The following LRRIQ3 variants were observed in gnomAD, a reference collection of about 807,000 sequenced individuals.
The protein encoded by LRRIQ3 is leucine rich repeats and IQ motif containing 3, also known as leucine-rich repeat and IQ domain-containing protein 3.
LRRIQ3 carries 75 observed loss-of-function variants against 59.3 expected under a neutral mutation model. The ratio of observed to expected loss-of-function variants is 1.26; its 90% CI spans 1.05 to 1.53. The LOEUF is 1.53. LRRIQ3 is among the 40% of genes most tolerant of loss of function. The pLI is 0.00. For synonymous variants in LRRIQ3, 250 were observed against 231.3 expected (o/e 1.08, Z -0.73); for missense variants, 831 against 710.0 (o/e 1.17, Z -1.94).
intron 1 of LRRIQ3, among the ~76,000 whole-genome samples, chr1:74,191,196 G>A (rs1650746990): frequency 6.6e-6 from 1 of 152,046 alleles, no homozygotes; most frequent in Non-Finnish European, 1.5e-5. Flanking sequence ...GACACTGTAT[G>A]GTGCAAAATT....
At chr1:74,181,228 C>T (rs1026580808) in intron 3 of LRRIQ3, 1 of 155,188 alleles carries the variant, frequency 6.4e-6, no homozygotes, top group African/African-American at 2.4e-5. Context: ...CAATCCTAAT[C>T]ACATCATTTT....
At chr1:74,173,496 T>C (rs545108014) in intron 3 of LRRIQ3, among the ~76,000 whole-genome samples, 2 of 152,146 alleles carry the variant, frequency 1.3e-5, no homozygotes, top group Admixed American at 6.5e-5. Context: ...TTGATGCTAT[T>C]TTATCTTTTG....
intron 4 of LRRIQ3, among the ~76,000 whole-genome samples, chr1:74,123,023 T>C (rs1646882506): frequency 6.6e-6 from 1 of 152,176 alleles, no homozygotes; most frequent in Non-Finnish European, 1.5e-5. Flanking sequence ...CATTAGTCTT[T>C]TGAGAGAATA....
At chr1:74,154,312 A>G (rs540229914) in intron 4 of LRRIQ3, among the ~76,000 whole-genome samples, 1 of 150,088 alleles carries the variant, frequency 6.7e-6, no homozygotes, top group South Asian at 2.1e-4. Context: ...TGCTAAGAGC[A>G]TTATATTGAT....
At chr1:74,119,430 T>C (rs1017329417) in intron 4 of LRRIQ3, among the ~76,000 whole-genome samples, 1 of 152,102 alleles carries the variant, frequency 6.6e-6, no homozygotes, top group African/African-American at 2.4e-5. Context: ...AAGCTATTTA[T>C]ATGTGAACAT....
intron 4 of LRRIQ3, among the ~76,000 whole-genome samples, chr1:74,129,743 A>G (rs1646985530): frequency 6.6e-6 from 1 of 152,012 alleles, no homozygotes; most frequent in Admixed American, 6.6e-5. Flanking sequence ...CACCATGAGT[A>G]CTGCCTGGGT....
Position 74,138,724 on chromosome 1 carries a change from A to C in LRRIQ3, c.707+17009T>G, listed in dbSNP as rs138313810. 3.9e-3 allele frequency among the ~76,000 whole-genome samples: 600 copies of C among 152,084 alleles called. 9 individuals carry two copies. Among genetic ancestry groups the C allele is most frequent in the African/African-American group, 0.013 (550 of 41,538 alleles). ...TTGTAATGGGAGTATTTTTCATTTT[A>C]AAGATGATCATGTTTATACTCAAAT... On this transcript the variant is annotated intron_variant, in intron 4 of 7. Coordinates refer to ENST00000354431, the MANE Select transcript of LRRIQ3 (RefSeq NM_001105659.2).
In LRRIQ3 at chr1:74,183,320, T is replaced by A. The variant is rs80066881; in HGVS notation, c.249+116A>T. The stretch of plus-strand genomic sequence containing the variant: ...CTTTTAATTTATTGTTAAATTTTTG[T>A]TTATATTTTAGACAAAAGACCATGT... On this transcript the variant is annotated intron_variant, in intron 2 of 7. Transcript: ENST00000354431. 1.4e-4 allele frequency: 123 copies of A among 910,032 alleles called. No homozygotes were observed. The African/African-American group carries it at 1.9e-3, about 14-fold the overall frequency. The allele number at this position is 910,032 out of a possible 1,614,324, so 56.4% of individuals were successfully genotyped here.
At chr1:74,044,377 T>C (rs1654138218) in intron 6 of LRRIQ3, among the ~76,000 whole-genome samples, 1 of 152,054 alleles carries the variant, frequency 6.6e-6, no homozygotes, top group Non-Finnish European at 1.5e-5. Context: ...GAGTTCCTGT[T>C]ATGGTAGTTC....
chr1:74,095,979 T>A (rs935728270), intron 5 of LRRIQ3, among the ~76,000 whole-genome samples: 6 of 152,076 alleles, frequency 3.9e-5, no homozygotes, highest in Admixed American at 3.3e-4. Context: ...TTTACCATAC[T>A]AGAAATTCAA....
At chr1:74,157,346 CT>C (rs767980796) in intron 3 of LRRIQ3, among the ~76,000 whole-genome samples, 6 of 151,920 alleles carry the variant, frequency 3.9e-5, no homozygotes, top group Non-Finnish European at 8.8e-5. Flanking sequence ...AGAAGTAACT[CT>C]TTTTTTGTCT....
intron 7 of LRRIQ3, among the ~76,000 whole-genome samples, chr1:74,031,812 A>G (rs1297749748): frequency 1.3e-5 from 2 of 152,082 alleles, no homozygotes; most frequent in African/African-American, 2.4e-5. Context: ...GAAATAATCA[A>G]TTATATCATT....
At chr1:74,095,740 A>G (rs1456073080) in intron 5 of LRRIQ3, among the ~76,000 whole-genome samples, 1 of 152,080 alleles carries the variant, frequency 6.6e-6, no homozygotes, top group Admixed American at 6.6e-5. Flanking sequence ...AAAATGTAAA[A>G]ATACATTTAG....
At chr1:74,185,928 T>C (rs1346957394) in intron 1 of LRRIQ3, among the ~76,000 whole-genome samples, 1 of 151,788 alleles carries the variant, frequency 6.6e-6, no homozygotes, top group Non-Finnish European at 1.5e-5. Context: ...AAAAAGTCCT[T>C]GAAAAACCAA....
At chr1:74,099,051 G>A (rs1646491211) in intron 5 of LRRIQ3, among the ~76,000 whole-genome samples, 1 of 151,982 alleles carries the variant, frequency 6.6e-6, no homozygotes, top group Admixed American at 6.6e-5. Context: ...AAATAACTAA[G>A]ATCAGAGCAG....
At chr1:74,054,028 T>C (rs1198154520) in intron 6 of LRRIQ3, among the ~76,000 whole-genome samples, 1 of 152,128 alleles carries the variant, frequency 6.6e-6, no homozygotes, top group Non-Finnish European at 1.5e-5. Context: ...CAAAATGAAT[T>C]GAAAACTTTG....
At chr1:74,192,044 T>C (rs928706114) in intron 1 of LRRIQ3, among the ~76,000 whole-genome samples, 4 of 152,066 alleles carry the variant, frequency 2.6e-5, no homozygotes, top group African/African-American at 9.7e-5. Context: ...CTATAAAAAA[T>C]AAATACTCTA....
chr1:74,161,496 T>G (rs920259429), intron 3 of LRRIQ3, among the ~76,000 whole-genome samples: 1 of 152,020 alleles, frequency 6.6e-6, no homozygotes, highest in Non-Finnish European at 1.5e-5. Flanking sequence ...TGATGCCACC[T>G]GTGGCTTAGG....
intron 3 of LRRIQ3, among the ~76,000 whole-genome samples, chr1:74,179,523 T>TATTC (rs1429145102): frequency 6.6e-6 from 1 of 152,030 alleles, no homozygotes; most frequent in Non-Finnish European, 1.5e-5. Context: ...GTTTTCATAA[T>TATTC]ATTCTTATAC....
Sources: gnomAD v4.1 joint callset for allele counts (sites outside exome capture counted in the v4.1 genomes callset) on GRCh38, gnomAD v4.1.1 for gene constraint, MANE v1.5 for transcripts, NCBI Gene and HGNC (gene_info 2026-07-23, HGNC 2026-07-21) for gene names.